SLC29A4: variants seen among roughly 807,000 people sequenced by gnomAD.
SLC29A4 encodes the protein solute carrier family 29 member 4.
Under a neutral mutation model 43.9 loss-of-function variants are expected in SLC29A4, and 36 were observed. The ratio of observed to expected loss-of-function variants is 0.82; its 90% CI spans 0.63 to 1.08. The LOEUF (loss-of-function observed/expected upper bound fraction) is 1.08, where lower values mean the gene tolerates loss of function less well. Ranked by LOEUF, SLC29A4 falls within the 50% of genes least tolerant of loss-of-function variation. The probability of loss-of-function intolerance (pLI) is 0.00; values close to 1 mark genes in which losing one functional copy is unlikely to be tolerated. For missense variants in SLC29A4, 869 were observed against 755.3 expected (o/e 1.15, Z -1.77); for synonymous variants, 491 against 338.0 (o/e 1.45, Z -4.97).
intron 10 of SLC29A4, among the ~76,000 whole-genome samples, chr7:5,301,090 C>T (rs553083885): frequency 1.2e-3 from 181 of 152,150 alleles, no homozygotes; most frequent in South Asian, 5.8e-3. Context: ...GAGAGCCTCT[C>T]CTCTCTACAA....
At position 5,294,850 on chromosome 7, in the gene SLC29A4, CTCTCT is replaced by C. The variant is rs1209956420; in HGVS notation, c.545-8_545-4del. On this transcript the variant is annotated splice_polypyrimidine_tract_variant and splice_region_variant and intron_variant, in intron 5 of 10. Transcript: ENST00000396872. ...GTGCCTCTGGGTTGTTCCTCTCTCT[CTCTCT>C]TAAGTGCAGCAATCCAGCTTCTACG... 7 of 1,612,068 alleles carry C rather than the reference CTCTCT, an allele frequency of 4.3e-6. No individual in the cohort carries two copies. Among genetic ancestry groups the C allele is most frequent in the Admixed American group, 1.7e-5 (1 of 59,916 alleles).
chr7:5,291,856 G>T, intron 5 of SLC29A4, 35 bp downstream of exon 5: 2 of 1,599,538 alleles, frequency 1.3e-6, no homozygotes, highest in Non-Finnish European at 8.5e-7. Context: ...GGCCTTGAGT[G>T]CCCACTTCCG....
At chr7:5,283,747 G>A (rs1784795863) in intron 1 of SLC29A4, among the ~76,000 whole-genome samples, 1 of 152,206 alleles carries the variant, frequency 6.6e-6, no homozygotes, top group African/African-American at 2.4e-5. Flanking sequence ...CAGAGGCATC[G>A]TTAGCCCCGG....
chr7:5,285,392 G>A lies in SLC29A4; in HGVS notation c.-9+2310G>A, dbSNP rs544521687. Among the ~76,000 whole-genome samples the A allele has an allele frequency of 3.3e-5, 5 of 152,076 alleles. No individual in the cohort carries two copies. In the South Asian group the frequency reaches 1.0e-3, roughly 32 times the overall value. On this transcript the variant is annotated intron_variant, in intron 1 of 10. Transcript: ENST00000396872. ...TCTCAGCCCCCAGAAGTCCGGGACC[G>A]CCTCTCCCCTGGTAGTGGGTACCAA...
In SLC29A4 at chr7:5,303,296, AGT is replaced by A. The variant is rs1786302029; in HGVS notation, c.*361_*362del. The A allele has an allele frequency of 2.9e-6, 1 of 348,846 alleles. No homozygotes were observed. Among genetic ancestry groups the A allele is most frequent in the Non-Finnish European group, 5.4e-6 (1 of 186,772 alleles). The allele number at this position is 348,846 out of a possible 1,614,324, so 21.6% of individuals were successfully genotyped here. A position where few individuals can be genotyped will look rare whatever the true frequency, so the allele number is the denominator to read the frequency against. ...ACCCAGGACAGCAGACACCCGCCAGAGTGTGCGCGCCCAGTGACTGCACCCCG... is the reference window on the plus strand; with the variant it reads ...ACCCAGGACAGCAGACACCCGCCAGAGTGCGCGCCCAGTGACTGCACCCCG... On this transcript the variant is annotated 3_prime_UTR_variant, in exon 11 of 11. Transcript: ENST00000396872.
At chr7:5,283,812 C>T (rs969812563) in intron 1 of SLC29A4, among the ~76,000 whole-genome samples, 1 of 152,182 alleles carries the variant, frequency 6.6e-6, no homozygotes, top group Non-Finnish European at 1.5e-5. Context: ...GGTGACTGAG[C>T]CGGGAGTGCG....
chr7:5,283,434 C>T (rs62441127), intron 1 of SLC29A4, among the ~76,000 whole-genome samples: 1 of 151,752 alleles, frequency 6.6e-6, no homozygotes, highest in East Asian at 2.0e-4. Flanking sequence ...TCCTCGTTCT[C>T]GGAAAAAGCG....
chr7:5,299,933 T>G (rs949272125), intron 9 of SLC29A4, among the ~76,000 whole-genome samples: 19 of 152,162 alleles, frequency 1.2e-4, no homozygotes, highest in African/African-American at 4.3e-4. Context: ...GTGCCTATAA[T>G]CGCAGCTACT....
intron 5 of SLC29A4, among the ~76,000 whole-genome samples, chr7:5,292,052 C>T (rs573096283): frequency 2.6e-5 from 4 of 152,202 alleles, no homozygotes; most frequent in African/African-American, 9.7e-5. Flanking sequence ...CTGAGGCAGC[C>T]CCTGGTTTCC....
intron 4 of SLC29A4, among the ~76,000 whole-genome samples, chr7:5,291,473 T>C (rs1238637155): frequency 6.6e-6 from 1 of 152,218 alleles, no homozygotes; most frequent in African/African-American, 2.4e-5. Context: ...TCCTTTCCCA[T>C]TCCTCTGCAC....
chr7:5,290,527 C>T (rs1054106025), intron 2 of SLC29A4, among the ~76,000 whole-genome samples: 2 of 152,098 alleles, frequency 1.3e-5, no homozygotes, highest in African/African-American at 2.4e-5. Context: ...GCTGTGAGGG[C>T]GTGGGTGTGG....
In SLC29A4 at chr7:5,305,349, G is replaced by A. The variant is rs1786428162; in HGVS notation, c.*2410G>A. The A allele has an allele frequency of 6.6e-6, 1 of 152,236 alleles. No individual in the cohort carries two copies. The highest frequency in any genetic ancestry group is 2.1e-4 in the South Asian group (1 of 4,832). The allele number at this position is 152,236 out of a possible 1,614,324, so 9.4% of individuals were successfully genotyped here. On this transcript the variant is annotated 3_prime_UTR_variant, in exon 11 of 11. Transcript: ENST00000396872. ...CTGCCCTCCATGGGTTACCCTCTTT[G>A]CAAAGCCCCGAATGTCCTCTGCAGG...
At chr7:5,294,655 C>A (rs1186250037) in intron 5 of SLC29A4, among the ~76,000 whole-genome samples, 1 of 152,170 alleles carries the variant, frequency 6.6e-6, no homozygotes, top group African/African-American at 2.4e-5. Context: ...GACGTTTCAT[C>A]TGTCAGAGCT....
Position 5,299,370 on chromosome 7 carries a change from C to A in SLC29A4, c.1152C>A (p.Gly384=). 6.2e-7 allele frequency: 1 copy of A among 1,612,346 alleles called. No homozygotes were observed. The highest frequency in any genetic ancestry group is 2.2e-5 in the East Asian group (1 of 44,882). ...LESEIRHCIL[G]EWLPILIMAV... ...CTGAGATCCGCCACTGCATCCTGGG[C>A]GAGTGGCTGCCCATCCTCATCATGG... Residue 384 remains glycine (G), a synonymous_variant, in exon 9 of 11, where the codon GGC becomes GGA. Coordinates refer to ENST00000396872, the MANE Select transcript of SLC29A4 (RefSeq NM_153247.4).
chr7:5,289,240 T>C (rs1785158113), intron 2 of SLC29A4, among the ~76,000 whole-genome samples: 2 of 151,360 alleles, frequency 1.3e-5, no homozygotes, highest in African/African-American at 4.9e-5. Flanking sequence ...GTACAAAAAA[T>C]ACAAAAATTA....
intron 7 of SLC29A4, among the ~76,000 whole-genome samples, chr7:5,297,726 G>T (rs913212593): frequency 6.6e-6 from 1 of 152,156 alleles, no homozygotes; most frequent in African/African-American, 2.4e-5. Flanking sequence ...ATGTGGCGGG[G>T]CCCCCAGAAT....
At chr7:5,283,982 G>C (rs1303231498) in intron 1 of SLC29A4, among the ~76,000 whole-genome samples, 1 of 152,086 alleles carries the variant, frequency 6.6e-6, no homozygotes, top group East Asian at 1.9e-4. Context: ...CAGTGGAAAT[G>C]GGAGGAGCCG....
At chr7:5,283,412 C>G (rs867179849) in intron 1 of SLC29A4, among the ~76,000 whole-genome samples, 26 of 151,976 alleles carry the variant, frequency 1.7e-4, no homozygotes, top group African/African-American at 5.6e-4. Context: ...TCCCCTGCCC[C>G]CGCCGGCCCC....
At chr7:5,293,700 A>G (rs1785458927) in intron 5 of SLC29A4, among the ~76,000 whole-genome samples, 1 of 152,136 alleles carries the variant, frequency 6.6e-6, no homozygotes, top group Admixed American at 6.6e-5. Context: ...GCTGGAGTGC[A>G]GTGGTGGGAT....
Sources: gnomAD v4.1 joint callset for allele counts (sites outside exome capture counted in the v4.1 genomes callset) on GRCh38, gnomAD v4.1.1 for gene constraint, MANE v1.5 for transcripts, NCBI Gene and HGNC (gene_info 2026-07-23, HGNC 2026-07-21) for gene names.